The following ZBTB20 variants were observed in gnomAD, a reference collection of about 807,000 sequenced individuals.
ZBTB20 encodes zinc finger and BTB domain containing 20, also known as zinc finger and BTB domain-containing protein 20.
In ZBTB20, 9 loss-of-function variants were observed where a neutral mutation model predicts 56.9. The ratio of observed to expected loss-of-function variants is 0.16; its 90% CI spans 0.10 to 0.28. The LOEUF (loss-of-function observed/expected upper bound fraction) is 0.28. Ranked by LOEUF, ZBTB20 falls within the 10% of genes least tolerant of loss-of-function variation. The probability of loss-of-function intolerance (pLI) is 1.00; values close to 1 mark genes in which losing one functional copy is unlikely to be tolerated. For missense variants in ZBTB20, 655 were observed against 1,003.0 expected, an observed-to-expected ratio of 0.65 and a Z score of 4.69; for synonymous variants, 417 against 420.7, an observed-to-expected ratio of 0.99 and a Z score of 0.11.
At chr3:114,642,695 C>T (rs186059436) in intron 6 of ZBTB20, among the ~76,000 whole-genome samples, 1 of 152,104 alleles carries the variant, frequency 6.6e-6, no homozygotes, top group East Asian at 1.9e-4. Flanking sequence ...TTTCTGAAAA[C>T]GTTTTAAGTT....
intron 2 of ZBTB20, among the ~76,000 whole-genome samples, chr3:115,026,702 G>T (rs903084421): frequency 6.6e-6 from 1 of 150,582 alleles, no homozygotes; most frequent in Non-Finnish European, 1.5e-5. Context: ...TAAATCATTT[G>T]TATTCTAACA....
intron 3 of ZBTB20, among the ~76,000 whole-genome samples, chr3:114,923,174 G>T (rs2076023172): frequency 6.6e-6 from 1 of 152,120 alleles, no homozygotes; most frequent in Non-Finnish European, 1.5e-5. Context: ...CAGATTCAAT[G>T]CAATCTATCA....
intron 1 of ZBTB20, among the ~76,000 whole-genome samples, chr3:115,128,029 T>C (rs1471675143): frequency 6.6e-6 from 1 of 152,164 alleles, no homozygotes; most frequent in East Asian, 1.9e-4. Context: ...TGATCACTGG[T>C]GGTTAGAAAT....
chr3:114,994,798 G>C (rs903445726), intron 2 of ZBTB20, among the ~76,000 whole-genome samples: 5 of 151,768 alleles, frequency 3.3e-5, no homozygotes, highest in Non-Finnish European at 5.9e-5. Flanking sequence ...GCTTCACGAA[G>C]ACATGACACC....
At chr3:115,118,937 A>C (rs2084101817) in intron 1 of ZBTB20, among the ~76,000 whole-genome samples, 1 of 152,110 alleles carries the variant, frequency 6.6e-6, no homozygotes, top group South Asian at 2.1e-4. Context: ...TAGAAAGAGA[A>C]TGACCCTCAA....
chr3:114,746,115 C>G (rs2067019965), intron 5 of ZBTB20, among the ~76,000 whole-genome samples: 1 of 152,200 alleles, frequency 6.6e-6, no homozygotes, highest in Admixed American at 6.5e-5. Flanking sequence ...ACATGCTGAT[C>G]AGATTGCCCT....
chr3:114,714,421 G>C (rs2064312895), intron 5 of ZBTB20, among the ~76,000 whole-genome samples: 1 of 151,924 alleles, frequency 6.6e-6, no homozygotes, highest in Non-Finnish European at 1.5e-5. Context: ...TGAAGCCCAG[G>C]TTACACTAAT....
chr3:114,748,285 T>G (rs557921791), intron 5 of ZBTB20, among the ~76,000 whole-genome samples: 3 of 95,408 alleles, frequency 3.1e-5, no homozygotes, highest in Non-Finnish European at 6.8e-5. Flanking sequence ...GTAGCTTCTT[T>G]CTTTCTTTCT....
At chr3:114,732,816 T>G (rs2065858812) in intron 5 of ZBTB20, among the ~76,000 whole-genome samples, 1 of 152,018 alleles carries the variant, frequency 6.6e-6, no homozygotes, top group African/African-American at 2.4e-5. Context: ...ATAAAAACAC[T>G]GAGATTCAGG....
At chr3:114,903,358 AC>A (rs769970693) in intron 3 of ZBTB20, among the ~76,000 whole-genome samples, 3 of 152,064 alleles carry the variant, frequency 2.0e-5, no homozygotes, top group Non-Finnish European at 4.4e-5. Flanking sequence ...ATAAAAGGGA[AC>A]TGTTAGTACT....
At chr3:115,006,670 G>A (rs1416857878) in intron 2 of ZBTB20, among the ~76,000 whole-genome samples, 2 of 151,564 alleles carry the variant, frequency 1.3e-5, no homozygotes, top group Non-Finnish European at 2.9e-5. Flanking sequence ...GCACCTTAGA[G>A]CCCACCTACC....
intron 6 of ZBTB20, among the ~76,000 whole-genome samples, chr3:114,524,603 C>T (rs1323786383): frequency 6.6e-6 from 1 of 152,166 alleles, no homozygotes; most frequent in Non-Finnish European, 1.5e-5. Context: ...TTCCATCTTT[C>T]CAGCTTATAT....
At chr3:114,412,026 G>C (rs1370342899) in intron 7 of ZBTB20, among the ~76,000 whole-genome samples, 1 of 152,108 alleles carries the variant, frequency 6.6e-6, no homozygotes, top group Non-Finnish European at 1.5e-5. Flanking sequence ...TCATCCACAA[G>C]AGGTCAGGGC....
At chr3:114,824,969 A>G (rs1409064887) in intron 4 of ZBTB20, among the ~76,000 whole-genome samples, 1 of 151,846 alleles carries the variant, frequency 6.6e-6, no homozygotes, top group East Asian at 1.9e-4. Context: ...ATGAGGTTTG[A>G]CTCACATCGC....
At chr3:114,754,088 C>T (rs764892706) in intron 5 of ZBTB20, among the ~76,000 whole-genome samples, 10 of 152,090 alleles carry the variant, frequency 6.6e-5, no homozygotes, top group Non-Finnish European at 1.0e-4. Flanking sequence ...CAATTTCTGG[C>T]GCTGCTGTAA....
chr3:115,117,530 AC>A (rs2084054487), intron 1 of ZBTB20, among the ~76,000 whole-genome samples: 1 of 152,180 alleles, frequency 6.6e-6, no homozygotes, highest in Non-Finnish European at 1.5e-5. Context: ...TTATTAAAAA[AC>A]AATCAACAGA....
chr3:115,034,322 T>TA (rs2080825837), intron 2 of ZBTB20, among the ~76,000 whole-genome samples: 1 of 151,274 alleles, frequency 6.6e-6, no homozygotes. Context: ...ATCTCATATG[T>TA]AAAAAACATA....
chr3:114,412,050 G>C (rs559017226), intron 7 of ZBTB20, among the ~76,000 whole-genome samples: 2 of 152,110 alleles, frequency 1.3e-5, no homozygotes, highest in African/African-American at 4.8e-5. Context: ...TTCAGTACAA[G>C]CAAGTATAAT....
At chr3:114,814,031 C>A (rs2072752535) in intron 4 of ZBTB20, among the ~76,000 whole-genome samples, 1 of 151,714 alleles carries the variant, frequency 6.6e-6, no homozygotes, top group African/African-American at 2.4e-5. Context: ...CATTATAATA[C>A]AGTGATCCCT....
Sources: gnomAD v4.1 joint callset for allele counts (sites outside exome capture counted in the v4.1 genomes callset) on GRCh38, gnomAD v4.1.1 for gene constraint, MANE v1.5 for transcripts, NCBI Gene and HGNC (gene_info 2026-07-23, HGNC 2026-07-21) for gene names.